The following GNAT3 variants were observed in gnomAD, a reference collection of about 807,000 sequenced individuals.
GNAT3 encodes guanine nucleotide-binding protein G(t) subunit alpha-3.
Under a neutral mutation model 37.7 loss-of-function variants are expected in GNAT3, and 31 were observed. The ratio of observed to expected loss-of-function variants is 0.82; its 90% CI spans 0.62 to 1.11. The LOEUF (loss-of-function observed/expected upper bound fraction) is 1.11, where lower values mean the gene tolerates loss of function less well. Ranked by LOEUF, GNAT3 falls within the 50% of genes most tolerant of loss-of-function variation. The probability of loss-of-function intolerance (pLI) is 0.00; values close to 1 mark genes in which losing one functional copy is unlikely to be tolerated. For missense variants in GNAT3, 437 were observed against 412.5 expected (o/e 1.06, Z -0.51); for synonymous variants, 138 against 139.8 (o/e 0.99, Z 0.09).
At chr7:80,494,887 TG>T (rs1359295709) in intron 1 of GNAT3, among the ~76,000 whole-genome samples, 23 of 152,134 alleles carry the variant, frequency 1.5e-4, no homozygotes, top group Non-Finnish European at 3.2e-4. Context: ...CTCCCTCTCA[TG>T]CTCTCACTTT....
At chr7:80,479,414 A>G (rs1039346925) in intron 3 of GNAT3, among the ~76,000 whole-genome samples, 4 of 152,002 alleles carry the variant, frequency 2.6e-5, no homozygotes, top group African/African-American at 9.7e-5. Context: ...TCTAGAAAAA[A>G]AAAGCCAAGT....
intron 5 of GNAT3, among the ~76,000 whole-genome samples, chr7:80,473,733 AAAT>A (rs1359449015): frequency 5.3e-5 from 8 of 152,172 alleles, no homozygotes; most frequent in Non-Finnish European, 1.2e-4. Flanking sequence ...ACCGCAATGA[AAAT>A]AATGATTCAT....
chr7:80,476,874 T>C (rs918776047), intron 4 of GNAT3, among the ~76,000 whole-genome samples: 3 of 152,032 alleles, frequency 2.0e-5, no homozygotes, highest in African/African-American at 4.8e-5. Context: ...AAAACCACTT[T>C]ATTATTATTA....
chr7:80,458,765 G>A lies in GNAT3; in HGVS notation c.971C>T (p.Thr324Ile), dbSNP rs1340984692. 2.5e-6 allele frequency: 4 copies of A among 1,597,398 alleles called. No homozygotes were observed. The African/African-American group carries it at 5.4e-5, about 21-fold the overall frequency. ...KEDKEIYSHM[T>I]CATDTQNVKF... ...GACATTTTGGGTGTCAGTAGCACAG[G>A]TCATGTGGGAATAAATTTCCTTATC... The change falls in exon 8 of 8, where the codon ACC becomes ATC. Residue 324 changes from threonine to isoleucine, a missense_variant. By Grantham distance (89) the Thr-to-Ile change is moderately conservative. Coordinates refer to ENST00000398291, the MANE Select transcript of GNAT3 (RefSeq NM_001102386.3).
At chr7:80,477,702 T>G (rs1790329535) in intron 4 of GNAT3, among the ~76,000 whole-genome samples, 1 of 152,182 alleles carries the variant, frequency 6.6e-6, no homozygotes, top group African/African-American at 2.4e-5. Context: ...ACTTTTACAT[T>G]ACTGTTTTGC....
intron 7 of GNAT3, 23 bp downstream of exon 7, chr7:80,462,136 G>T: frequency 4.1e-6 from 6 of 1,455,920 alleles, no homozygotes; most frequent in Non-Finnish European, 5.6e-6. Context: ...TATTTCTATG[G>T]AACTAAAAGA....
At chr7:80,473,539 A>T (rs955924442) in intron 5 of GNAT3, among the ~76,000 whole-genome samples, 3 of 152,130 alleles carry the variant, frequency 2.0e-5, no homozygotes, top group Non-Finnish European at 2.9e-5. Context: ...GATTTTTGTC[A>T]TTACTAAACA....
At position 80,505,518 on chromosome 7, in the gene GNAT3, C is replaced by T. The variant is rs544002800; in HGVS notation, c.118+6291G>A. ...AGTAGCTGGGACTACAGGCGCCCGC[C>T]AACACGCCCGGCTAACTTTTTATAT... On this transcript the variant is annotated intron_variant, in intron 1 of 7. Transcript: ENST00000398291. Among the ~76,000 whole-genome samples, 276 of 152,238 alleles carry T rather than the reference C, an allele frequency of 1.8e-3. 1 individual carries two copies. The highest frequency in any genetic ancestry group is 5.5e-3 in the African/African-American group (228 of 41,540).
At chr7:80,500,556 A>G (rs929480825) in intron 1 of GNAT3, among the ~76,000 whole-genome samples, 2 of 152,036 alleles carry the variant, frequency 1.3e-5, no homozygotes, top group African/African-American at 4.8e-5. Flanking sequence ...GTCATACTCT[A>G]GGGTCTATTC....
At chr7:80,481,576 AT>A (rs1233412680) in intron 3 of GNAT3, among the ~76,000 whole-genome samples, 1 of 152,194 alleles carries the variant, frequency 6.6e-6, no homozygotes, top group East Asian at 1.9e-4. Context: ...TTTGGCATAT[AT>A]AAAAGAATAA....
chr7:80,476,938 T>C (rs7779247), intron 4 of GNAT3, among the ~76,000 whole-genome samples: 38,160 of 151,920 alleles, frequency 0.25, 7,303 homozygotes, highest in African/African-American at 0.54. Context: ...AATGAGCTTT[T>C]CTGTTGTTGT....
chr7:80,491,916 C>A (rs1034529329), intron 2 of GNAT3, among the ~76,000 whole-genome samples: 3 of 152,050 alleles, frequency 2.0e-5, no homozygotes, highest in African/African-American at 7.2e-5. Context: ...AAAAGCCTAA[C>A]AATATTAAAA....
intron 1 of GNAT3, among the ~76,000 whole-genome samples, chr7:80,508,583 A>T (rs1790995341): frequency 6.6e-6 from 1 of 152,060 alleles, no homozygotes; most frequent in African/African-American, 2.4e-5. Flanking sequence ...TGCAGTTATC[A>T]AATGTGCTCA....
At chr7:80,496,171 C>A (rs896292236) in intron 1 of GNAT3, among the ~76,000 whole-genome samples, 2 of 152,002 alleles carry the variant, frequency 1.3e-5, no homozygotes, top group African/African-American at 4.8e-5. Context: ...CGCTCTGTCA[C>A]CCAGGCTGGA....
In GNAT3 at chr7:80,462,532, A is replaced by G. The variant is rs372564083; in HGVS notation, c.690T>C (p.Tyr230=). The part of the protein sequence containing the change: ...CIIFCAALSA[Y]DMVLVEDEEV... ...CTTCGTCTTCCACGAGGACCATGTC[A>G]TAGGCACTAAGTGCAGCACAAAATA... The change falls in exon 6 of 8, where the codon TAT becomes TAC. Residue 230 remains tyrosine (Y), a synonymous_variant. Coordinates refer to ENST00000398291, the MANE Select transcript of GNAT3 (RefSeq NM_001102386.3). The G allele has an allele frequency of 9.3e-6, 15 of 1,613,722 alleles. No individual in the cohort carries two copies. The highest frequency in any genetic ancestry group is 1.3e-5 in the Non-Finnish European group (15 of 1,179,746).
At chr7:80,475,847 A>C (rs2116165029) in intron 4 of GNAT3, among the ~76,000 whole-genome samples, 1 of 152,270 alleles carries the variant, frequency 6.6e-6, no homozygotes, top group Admixed American at 6.5e-5. Flanking sequence ...AGAAACACAT[A>C]ACATATATAA....
intron 4 of GNAT3, among the ~76,000 whole-genome samples, chr7:80,477,859 T>A (rs2116168439): frequency 6.6e-6 from 1 of 152,324 alleles, no homozygotes; most frequent in African/African-American, 2.4e-5. Flanking sequence ...TGCACACATC[T>A]TGCAGGCATA....
chr7:80,501,089 C>T (rs1790824606), intron 1 of GNAT3, among the ~76,000 whole-genome samples: 1 of 152,016 alleles, frequency 6.6e-6, no homozygotes, highest in Non-Finnish European at 1.5e-5. Flanking sequence ...ATGCTCTGCC[C>T]ATGGACTGTT....
chr7:80,499,614 T>C (rs1053513442), intron 1 of GNAT3, among the ~76,000 whole-genome samples: 1 of 152,226 alleles, frequency 6.6e-6, no homozygotes, highest in African/African-American at 2.4e-5. Flanking sequence ...ACAGGTAGAC[T>C]GTTGGTATAA....
Sources: allele counts gnomAD v4.1 joint callset (sites outside exome capture counted in the v4.1 genomes callset), GRCh38; gene constraint gnomAD v4.1.1; transcripts MANE v1.5; gene names NCBI Gene and HGNC (gene_info 2026-07-23, HGNC 2026-07-21).